The following STXBP5 variants were observed in gnomAD, a reference collection of about 807,000 sequenced individuals.
STXBP5 encodes the protein syntaxin binding protein 5, also known as syntaxin-binding protein 5.
Under a neutral mutation model 152.4 loss-of-function variants are expected in STXBP5, and 50 were observed. The observed-to-expected ratio is 0.33, with a 90% CI of 0.26 to 0.42. The LOEUF is 0.42. Ranked by LOEUF, STXBP5 falls within the 10% of genes least tolerant of loss-of-function variation. The pLI is 1.00. For missense variants in STXBP5, 1,167 were observed against 1,388.6 expected, an observed-to-expected ratio of 0.84 and a Z score of 2.54; for synonymous variants, 492 against 494.7, an observed-to-expected ratio of 0.99 and a Z score of 0.07.
intron 7 of STXBP5, among the ~76,000 whole-genome samples, chr6:147,277,621 C>T (rs552226139): frequency 1.3e-5 from 2 of 152,156 alleles, no homozygotes; most frequent in South Asian, 4.1e-4. Context: ...ATAGCTCAAC[C>T]TGAAACATTT....
intron 21 of STXBP5, among the ~76,000 whole-genome samples, chr6:147,345,139 T>G (rs1199855886): frequency 6.6e-6 from 1 of 152,214 alleles, no homozygotes; most frequent in Non-Finnish European, 1.5e-5. Context: ...TTTTCATTTG[T>G]GAAGAAATTC....
chr6:147,267,411 C>T (rs558945277), intron 7 of STXBP5, among the ~76,000 whole-genome samples: 2 of 152,192 alleles, frequency 1.3e-5, no homozygotes, highest in East Asian at 3.9e-4. Context: ...CATGTTCTTC[C>T]AAAGAGACAC....
Position 147,204,726 on chromosome 6 carries a change from G to A in STXBP5, c.150+44G>A. The A allele has an allele frequency of 6.6e-7, 1 of 1,521,618 alleles. No individual in the cohort carries two copies. Among genetic ancestry groups the A allele is most frequent in the South Asian group, 1.3e-5 (1 of 79,530 alleles). 94.3% of individuals were successfully genotyped at this position (1,521,618 alleles called of 1,614,324 possible). On this transcript the variant is annotated intron_variant, in intron 1 of 27. Transcript: ENST00000321680. The surrounding 1 kb of genome is among the most constrained non-coding windows in gnomAD (Gnocchi z 4.3). ...CCCGCGACACCGTCATTGAAAAATT[G>A]GGGTTGTTTTAAGGGGGCTACTCGG...
intron 2 of STXBP5, among the ~76,000 whole-genome samples, chr6:147,206,601 T>G (rs1776576688): frequency 6.6e-6 from 1 of 152,136 alleles, no homozygotes. Flanking sequence ...TTTCTACCAG[T>G]TTTTAGAGCG....
chr6:147,303,353 G>A lies in STXBP5; in HGVS notation c.918-6731G>A, dbSNP rs564826957. Among the ~76,000 whole-genome samples the A allele has an allele frequency of 2.0e-5, 3 of 152,178 alleles. No individual in the cohort carries two copies. The South Asian group carries it at 6.2e-4, about 32-fold the overall frequency. ...TATAAGAGGCTTCCCCCTTTGCTCG[G>A]CTCTCTGTCATGTGAAGAAGGACAT... On this transcript the variant is annotated intron_variant, in intron 9 of 27. Transcript: ENST00000321680.
chr6:147,244,633 A>G (rs541459141), intron 4 of STXBP5, among the ~76,000 whole-genome samples: 7 of 152,336 alleles, frequency 4.6e-5, no homozygotes, highest in East Asian at 3.9e-4. Context: ...CCTAGCGTCA[A>G]TAGCATTTAG....
chr6:147,361,558 G>T (rs1785068400), intron 23 of STXBP5, among the ~76,000 whole-genome samples: 1 of 152,120 alleles, frequency 6.6e-6, no homozygotes, highest in Non-Finnish European at 1.5e-5. Context: ...CTGTGCTTCA[G>T]AGCCTAAAGT....
At chr6:147,314,541 A>C in intron 13 of STXBP5, 55 bp from the exon 14 acceptor site, 1 of 1,569,854 alleles carries the variant, frequency 6.4e-7, no homozygotes, top group Non-Finnish European at 8.7e-7. Context: ...GTACCCATTT[A>C]AAGAAGGAAG....
Position 147,382,933 on chromosome 6 carries a change from G to A in STXBP5, c.3349G>A (p.Asp1117Asn), listed in dbSNP as rs777896867. Reference sequence around the variant, plus strand: ...AGATGAAAGAGGGCAGAAACTTGGCGATCTGGAAGAAAGAACTGCGGCCAT... The same window carrying A: ...AGATGAAAGAGGGCAGAAACTTGGCAATCTGGAAGAAAGAACTGCGGCCAT... Reference protein sequence around the residue: ...ALDERGQKLGDLEERTAAMLS... With the variant: ...ALDERGQKLGNLEERTAAMLS... The change falls in exon 27 of 28, where the codon GAT (aspartate) becomes AAT (asparagine). Residue 1117 changes from aspartate (D) to asparagine (N), a missense_variant. Asp to Asn is a conservative substitution (Grantham distance 23, BLOSUM62 1). Coordinates refer to ENST00000321680, the MANE Select transcript of STXBP5 (RefSeq NM_001127715.4). The A allele has an allele frequency of 4.3e-6, 7 of 1,613,460 alleles. No homozygotes were observed. The highest frequency in any genetic ancestry group is 2.2e-5 in the South Asian group (2 of 91,072).
At chr6:147,349,521 A>G (rs575125121) in intron 21 of STXBP5, among the ~76,000 whole-genome samples, 3 of 152,208 alleles carry the variant, frequency 2.0e-5, no homozygotes, top group Admixed American at 2.0e-4. Flanking sequence ...TTAACCAAAA[A>G]AGAAATGTTT....
intron 25 of STXBP5, among the ~76,000 whole-genome samples, 169 bp downstream of exon 25, chr6:147,364,335 A>T (rs906902071): frequency 1.3e-5 from 2 of 152,358 alleles, no homozygotes; most frequent in East Asian, 1.9e-4. Context: ...TCCCATGATT[A>T]AAAGTATCAT....
chr6:147,216,766 C>G (rs565333111), intron 2 of STXBP5, among the ~76,000 whole-genome samples: 1 of 152,088 alleles, frequency 6.6e-6, no homozygotes, highest in African/African-American at 2.4e-5. Context: ...ATGATTTTAA[C>G]GTGAGCATTC....
chr6:147,371,458 A>G (rs1785536520), intron 25 of STXBP5, among the ~76,000 whole-genome samples: 1 of 152,108 alleles, frequency 6.6e-6, no homozygotes, highest in Non-Finnish European at 1.5e-5. Flanking sequence ...ACTTCTGTAC[A>G]TACACTATTG....
intron 8 of STXBP5, among the ~76,000 whole-genome samples, chr6:147,289,769 C>T (rs1204428444): frequency 1.3e-5 from 2 of 151,656 alleles, no homozygotes; most frequent in African/African-American, 4.8e-5. Context: ...GAGGATATGG[C>T]AAAATACGGT....
chr6:147,311,155 C>A (rs917133898), intron 10 of STXBP5, among the ~76,000 whole-genome samples: 3 of 152,044 alleles, frequency 2.0e-5, no homozygotes, highest in African/African-American at 7.2e-5. Flanking sequence ...GATAACTGTT[C>A]TTGTGTGTAT....
chr6:147,384,190 A>G (rs1461602393), intron 27 of STXBP5, among the ~76,000 whole-genome samples: 1 of 152,146 alleles, frequency 6.6e-6, no homozygotes, highest in Admixed American at 6.6e-5. Context: ...GCATGGGCAC[A>G]AATTCCAGTT....
At chr6:147,382,453 G>A (rs1374243651) in intron 26 of STXBP5, among the ~76,000 whole-genome samples, 1 of 152,026 alleles carries the variant, frequency 6.6e-6, no homozygotes, top group Non-Finnish European at 1.5e-5. Flanking sequence ...GCACAAAAGA[G>A]CAGTTTTTGC....
chr6:147,372,703 G>T (rs561266300), intron 25 of STXBP5, among the ~76,000 whole-genome samples: 2 of 151,778 alleles, frequency 1.3e-5, no homozygotes, highest in Non-Finnish European at 2.9e-5. Context: ...AAAGTGCTGG[G>T]ATTACAGGTG....
intron 19 of STXBP5, 41 bp downstream of exon 19, chr6:147,334,263 A>G: frequency 1.3e-6 from 2 of 1,574,022 alleles, no homozygotes; most frequent in South Asian, 2.3e-5. Flanking sequence ...ATTATGATTT[A>G]CAAAATCCAA....
Sources: gnomAD v4.1 joint callset for allele counts (sites outside exome capture counted in the v4.1 genomes callset) on GRCh38, gnomAD v4.1.1 for gene constraint, Gnocchi (gnomAD v3.1) non-coding constraint, MANE v1.5 for transcripts, NCBI Gene and HGNC (gene_info 2026-07-23, HGNC 2026-07-21) for gene names.